The following EPHB1 variants were observed in gnomAD, a reference collection of about 807,000 sequenced individuals.
The protein encoded by EPHB1 is ephrin type-B receptor 1.
In EPHB1, 30 loss-of-function variants were observed where a neutral mutation model predicts 94.4. The observed-to-expected ratio is 0.32, with a 90% CI of 0.24 to 0.43. The LOEUF is 0.43. Among genes scored for constraint, EPHB1 ranks in the 20% least tolerant of loss-of-function variants. EPHB1 has a pLI of 1.00. For missense variants in EPHB1, 1,055 were observed against 1,308.3 expected (o/e 0.81, Z 2.99); for synonymous variants, 522 against 489.1 (o/e 1.07, Z -0.89).
At chr3:135,220,068 A>G (rs1299982297) in intron 12 of EPHB1, among the ~76,000 whole-genome samples, 2 of 152,228 alleles carry the variant, frequency 1.3e-5, no homozygotes, top group Non-Finnish European at 2.9e-5. Context: ...CAAAACCAGC[A>G]CTATCAAGGC....
At chr3:135,101,271 T>C (rs1169046948) in intron 3 of EPHB1, among the ~76,000 whole-genome samples, 3 of 152,226 alleles carry the variant, frequency 2.0e-5, no homozygotes, top group Admixed American at 6.5e-5. Flanking sequence ...CTACTTCTCC[T>C]GTTCTTCCAC....
chr3:135,135,410 TA>T (rs1940586407), intron 5 of EPHB1, among the ~76,000 whole-genome samples: 1 of 152,186 alleles, frequency 6.6e-6, no homozygotes, highest in South Asian at 2.1e-4. Flanking sequence ...ACCATCAAAG[TA>T]AACATTCAAA....
chr3:135,134,172 C>T (rs73862029), intron 5 of EPHB1, among the ~76,000 whole-genome samples: 6,264 of 152,300 alleles, frequency 0.041, 432 homozygotes, highest in African/African-American at 0.14. Context: ...GACCGTGATG[C>T]TATTTGGAAT....
At chr3:134,918,713 A>G (rs2107698610) in intron 1 of EPHB1, among the ~76,000 whole-genome samples, 1 of 152,238 alleles carries the variant, frequency 6.6e-6, no homozygotes, top group African/African-American at 2.4e-5. Context: ...TGTCTTCATA[A>G]CACTCCAGGC....
At chr3:135,035,773 T>C (rs945925277) in intron 3 of EPHB1, among the ~76,000 whole-genome samples, 3 of 152,256 alleles carry the variant, frequency 2.0e-5, no homozygotes, top group Non-Finnish European at 2.9e-5. Flanking sequence ...ATTAGTCATA[T>C]ACCATTCCAT....
chr3:134,896,342 G>A (rs536179361), intron 1 of EPHB1, among the ~76,000 whole-genome samples: 1 of 152,116 alleles, frequency 6.6e-6, no homozygotes, highest in South Asian at 2.1e-4. Flanking sequence ...CCATAATCTG[G>A]TGCACTGGAT....
intron 3 of EPHB1, among the ~76,000 whole-genome samples, chr3:135,039,865 A>G (rs1048288718): frequency 3.9e-5 from 6 of 152,154 alleles, no homozygotes; most frequent in African/African-American, 1.4e-4. Flanking sequence ...AGGGGCTCCC[A>G]CAGTGCAGTG....
chr3:135,126,392 G>T (rs565242647), intron 4 of EPHB1, among the ~76,000 whole-genome samples: 2 of 152,278 alleles, frequency 1.3e-5, no homozygotes, highest in South Asian at 4.2e-4. Context: ...GGCACAGTTT[G>T]CTGTGGGAGT....
intron 9 of EPHB1, among the ~76,000 whole-genome samples, chr3:135,170,862 G>A (rs1314528078): frequency 1.3e-5 from 2 of 152,190 alleles, no homozygotes; most frequent in Non-Finnish European, 2.9e-5. Context: ...AAGGGGTTTA[G>A]GGTCAAGGGC....
At chr3:135,084,169 G>A (rs943540572) in intron 3 of EPHB1, among the ~76,000 whole-genome samples, 1 of 152,138 alleles carries the variant, frequency 6.6e-6, no homozygotes, top group Non-Finnish European at 1.5e-5. Context: ...GTGAAAAAGC[G>A]ACAGTTTATT....
intron 1 of EPHB1, among the ~76,000 whole-genome samples, chr3:134,873,093 C>G (rs1354507913): frequency 6.6e-6 from 1 of 152,114 alleles, no homozygotes; most frequent in African/African-American, 2.4e-5. Flanking sequence ...TAAACTAGAG[C>G]CATTAAATTA....
chr3:134,979,503 T>C (rs1934324841), intron 3 of EPHB1, among the ~76,000 whole-genome samples: 1 of 152,194 alleles, frequency 6.6e-6, no homozygotes, highest in African/African-American at 2.4e-5. Flanking sequence ...TCTCACTCCA[T>C]TGACAGCAAC....
At chr3:134,820,387 G>A (rs764257905) in intron 1 of EPHB1, among the ~76,000 whole-genome samples, 1 of 152,200 alleles carries the variant, frequency 6.6e-6, no homozygotes, top group Non-Finnish European at 1.5e-5. Flanking sequence ...CTACCAGAGG[G>A]CTCAGAAAAT....
At chr3:135,183,198 TCCTCCCTCCCTCCCTTCCTC>T (rs1024955867) in intron 10 of EPHB1, among the ~76,000 whole-genome samples, 1 of 128,630 alleles carries the variant, frequency 7.8e-6, no homozygotes, top group Non-Finnish European at 1.8e-5. Flanking sequence ...CTCCCTTCCT[TCCTCCCTCCCTCCCTTCCTC>T]CCTCCCTCCC....
chr3:135,030,932 AT>A (rs1168941329), intron 3 of EPHB1, among the ~76,000 whole-genome samples: 2 of 152,072 alleles, frequency 1.3e-5, no homozygotes, highest in Non-Finnish European at 2.9e-5. Context: ...GTGGTGCGCC[AT>A]TTTTTAAGCC....
rs571620256 is a variant in EPHB1, at chr3:135,047,286, C to T, written c.806-59162C>T. Among the ~76,000 whole-genome samples, 46 of 152,292 alleles carry T rather than the reference C, an allele frequency of 3.0e-4. No homozygotes were observed. The South Asian group carries it at 7.7e-3, about 25-fold the overall frequency. On this transcript the variant is annotated intron_variant, in intron 3 of 15. Coordinates refer to ENST00000398015, the MANE Select transcript of EPHB1 (RefSeq NM_004441.5). ...AGCAAGTAACCTTTGCAGATGGCAG[C>T]TGGGGAAACAGAAGGTGAGAAACTG...
intron 3 of EPHB1, among the ~76,000 whole-genome samples, chr3:135,057,455 C>T (rs1403073981): frequency 6.6e-6 from 1 of 152,072 alleles, no homozygotes; most frequent in African/African-American, 2.4e-5. Flanking sequence ...CTTCTTCTTC[C>T]CCAGTGGAAG....
intron 1 of EPHB1, among the ~76,000 whole-genome samples, chr3:134,889,962 A>G (rs763625285): frequency 3.9e-5 from 6 of 152,172 alleles, no homozygotes; most frequent in East Asian, 1.9e-4. Context: ...TTATATTAAA[A>G]TGATTTAAAA....
chr3:135,089,374 T>A (rs570936961), intron 3 of EPHB1, among the ~76,000 whole-genome samples: 1 of 152,354 alleles, frequency 6.6e-6, no homozygotes, highest in Non-Finnish European at 1.5e-5. Flanking sequence ...TAAAATGGGA[T>A]TATTCTGAGT....
Sources: allele counts gnomAD v4.1 joint callset (sites outside exome capture counted in the v4.1 genomes callset), GRCh38; gene constraint gnomAD v4.1.1; transcripts MANE v1.5; gene names NCBI Gene and HGNC (gene_info 2026-07-23, HGNC 2026-07-21).